DPYD: variants seen among roughly 807,000 people sequenced by gnomAD.
The protein encoded by DPYD is dihydropyrimidine dehydrogenase [NADP(+)].
In DPYD, 109 loss-of-function variants were observed where a neutral mutation model predicts 116.2. The ratio of observed to expected loss-of-function variants is 0.94; its 90% CI spans 0.80 to 1.10. The LOEUF (loss-of-function observed/expected upper bound fraction) is 1.10. DPYD is among the 50% of genes least tolerant of loss of function. The pLI, the probability that DPYD is intolerant of heterozygous loss-of-function variation, is 0.00. For synonymous variants in DPYD, 440 were observed against 432.0 expected (o/e 1.02, Z -0.23); for missense variants, 1,302 against 1,254.5 (o/e 1.04, Z -0.57).
intron 21 of DPYD, among the ~76,000 whole-genome samples, chr1:97,094,081 G>T (rs1650067437): frequency 6.6e-6 from 1 of 151,938 alleles, no homozygotes. Flanking sequence ...TCAAGTTACT[G>T]AAAGTGTATT....
At position 97,079,049 on chromosome 1, in the gene DPYD, A is replaced by G; in HGVS notation, c.3005T>C (p.Ile1002Thr). 6.2e-7 allele frequency: 1 copy of G among 1,613,786 alleles called. No individual in the cohort carries two copies. Residue 1002 changes from isoleucine to threonine, a missense_variant, in exon 23 of 23, where the codon ATC (isoleucine) becomes ACC (threonine). Physicochemically the swap from Ile to Thr is moderately conservative, Grantham distance 89. Transcript: ENST00000370192. ...AGGTGTTGTCCTGGAAACCATTTTG[A>G]TGCAGTCGACAATAGGGCAAACACT... Reference protein sequence around the residue: ...CLSVCPIVDCIKMVSRTTPYE... With the variant: ...CLSVCPIVDCTKMVSRTTPYE...
chr1:97,337,158 G>A (rs1351715620), intron 16 of DPYD, among the ~76,000 whole-genome samples: 2 of 152,140 alleles, frequency 1.3e-5, no homozygotes, highest in East Asian at 3.9e-4. Flanking sequence ...TATCATGCAT[G>A]TAGGAGAATG....
intron 14 of DPYD, among the ~76,000 whole-genome samples, chr1:97,442,996 C>A (rs975846329): frequency 6.6e-6 from 1 of 152,126 alleles, no homozygotes; most frequent in Non-Finnish European, 1.5e-5. Flanking sequence ...TATATGTAAT[C>A]TTTCAAAATG....
intron 8 of DPYD, among the ~76,000 whole-genome samples, chr1:97,668,900 G>C (rs1399655312): frequency 1.3e-5 from 2 of 151,976 alleles, no homozygotes; most frequent in Non-Finnish European, 2.9e-5. Flanking sequence ...ATCCAAAGCA[G>C]CAATTTTCCA....
chr1:97,600,850 G>A (rs1655202157), intron 8 of DPYD, among the ~76,000 whole-genome samples: 3 of 152,142 alleles, frequency 2.0e-5, no homozygotes, highest in Admixed American at 6.5e-5. Flanking sequence ...TAAGTGGTCA[G>A]TATTGGATAG....
chr1:97,305,428 G>A (rs1238120136), intron 17 of DPYD, 50 bp from the exon 18 acceptor site: 2 of 1,610,392 alleles, frequency 1.2e-6, no homozygotes, highest in Non-Finnish European at 1.7e-6. Context: ...AGACACGATA[G>A]TTAAAACCCA....
chr1:97,506,214 C>T (rs1220210028), intron 13 of DPYD, among the ~76,000 whole-genome samples: 2 of 151,808 alleles, frequency 1.3e-5, no homozygotes, highest in Non-Finnish European at 2.9e-5. Flanking sequence ...GTAAGGTAAT[C>T]ATGGTATAAA....
intron 4 of DPYD, among the ~76,000 whole-genome samples, chr1:97,732,033 T>C (rs1663644815): frequency 6.6e-6 from 1 of 152,110 alleles, no homozygotes; most frequent in African/African-American, 2.4e-5. Flanking sequence ...TCCTTTCTCA[T>C]TTATACTAAC....
At chr1:97,254,185 G>C (rs913994584) in intron 18 of DPYD, among the ~76,000 whole-genome samples, 1 of 151,904 alleles carries the variant, frequency 6.6e-6, no homozygotes, top group South Asian at 2.1e-4. Context: ...CCCAAACTAG[G>C]GCCGTTTTTC....
intron 18 of DPYD, 24 bp downstream of exon 18, chr1:97,305,235 A>G: frequency 2.5e-6 from 4 of 1,611,792 alleles, no homozygotes; most frequent in Middle Eastern, 3.3e-4. Flanking sequence ...AGAAAGCACA[A>G]TGCAAGAAGT....
chr1:97,306,228 GCTTGGCAAA>G lies in DPYD; in HGVS notation c.2119_2127del (p.Phe707_Lys709del). On this transcript the variant is annotated inframe_deletion, in exon 17 of 23. Coordinates refer to ENST00000370192, the MANE Select transcript of DPYD (RefSeq NM_000110.4). ...ACAATATCAGTGACATTTGGGGTCA[GCTTGGCAAA>G]AAAAGGAATCTGAACAGCTTGCCTA... 6.2e-7 allele frequency: 1 copy of G among 1,612,534 alleles called. No homozygotes were observed. The highest frequency in any genetic ancestry group is 1.7e-5 in the Admixed American group (1 of 59,902).
intron 5 of DPYD, among the ~76,000 whole-genome samples, chr1:97,710,309 A>G (rs2100999680): frequency 6.6e-6 from 1 of 151,872 alleles, no homozygotes; most frequent in African/African-American, 2.4e-5. Flanking sequence ...CTTCTATGTA[A>G]TTTTCTTTGT....
chr1:97,081,893 G>A (rs1343867278), intron 22 of DPYD, among the ~76,000 whole-genome samples: 1 of 151,940 alleles, frequency 6.6e-6, no homozygotes, highest in East Asian at 1.9e-4. Context: ...CTTTCTGACT[G>A]TAGTAAAAGC....
chr1:97,126,897 T>C (rs1652885981), intron 20 of DPYD, among the ~76,000 whole-genome samples: 1 of 152,220 alleles, frequency 6.6e-6, no homozygotes, highest in Admixed American at 6.5e-5. Flanking sequence ...TTAGGACTTT[T>C]GTACCTTGCT....
At chr1:97,570,876 C>T (rs980437436) in intron 11 of DPYD, among the ~76,000 whole-genome samples, 7 of 151,902 alleles carry the variant, frequency 4.6e-5, no homozygotes, top group African/African-American at 1.7e-4. Context: ...TATAATTTGG[C>T]ACCTGGCATT....
chr1:97,714,585 A>G (rs1662497438), intron 5 of DPYD, among the ~76,000 whole-genome samples: 1 of 150,910 alleles, frequency 6.6e-6, no homozygotes, highest in Non-Finnish European at 1.5e-5. Context: ...AAGGAACCCA[A>G]CATTTTGTTA....
chr1:97,171,078 A>C (rs889799997), intron 20 of DPYD, among the ~76,000 whole-genome samples: 1 of 152,196 alleles, frequency 6.6e-6, no homozygotes, highest in Non-Finnish European at 1.5e-5. Flanking sequence ...TGGAGTCATA[A>C]CCCAAGTTGG....
intron 18 of DPYD, among the ~76,000 whole-genome samples, chr1:97,262,594 A>T (rs1663959591): frequency 6.6e-6 from 1 of 152,110 alleles, no homozygotes; most frequent in East Asian, 1.9e-4. Context: ...TATTTCTTTT[A>T]TGATCTATAT....
Position 97,337,258 on chromosome 1 carries a change from A to G in DPYD, c.2059-30961T>C, listed in dbSNP as rs185786710. 8.3e-4 allele frequency among the ~76,000 whole-genome samples: 126 copies of G among 152,316 alleles called. 1 individual carries two copies. The highest frequency in any genetic ancestry group is 2.9e-3 in the African/African-American group (121 of 41,562). On this transcript the variant is annotated intron_variant, in intron 16 of 22. Transcript: ENST00000370192. ...GAAGTTGATGAGGCTCAGATTAAGC[A>G]TATGAGTAGGGAAGTTTGTCTCCGA...
Sources: gnomAD v4.1 joint callset for allele counts (sites outside exome capture counted in the v4.1 genomes callset) on GRCh38, gnomAD v4.1.1 for gene constraint, MANE v1.5 for transcripts, NCBI Gene and HGNC (gene_info 2026-07-23, HGNC 2026-07-21) for gene names.